Variants in MSS51 observed in about 807,000 individuals in gnomAD.
MSS51 encodes MSS51 mitochondrial translational activator, also known as putative protein MSS51 homolog, mitochondrial.
MSS51 carries 32 observed loss-of-function variants against 40.2 expected under a neutral mutation model. The observed-to-expected ratio is 0.80, with a 90% CI of 0.60 to 1.07. The LOEUF is 1.07. Ranked by LOEUF, MSS51 falls within the 50% of genes least tolerant of loss-of-function variation. The probability of loss-of-function intolerance (pLI) is 0.00; values close to 1 mark genes in which losing one functional copy is unlikely to be tolerated. For synonymous variants in MSS51, 178 were observed against 214.2 expected (o/e 0.83, Z 1.48); for missense variants, 518 against 568.9 (o/e 0.91, Z 0.91).
chr10:73,425,089 G>C lies in MSS51; in HGVS notation c.1163+9C>G. ...CAGGGAAGTATCACAAATAGGATGAGGTCAAAACCTGTAAACAGTAATCAA... is the reference window on the plus strand; with the variant it reads ...CAGGGAAGTATCACAAATAGGATGACGTCAAAACCTGTAAACAGTAATCAA... On this transcript the variant is annotated intron_variant, in intron 6 of 6. Coordinates refer to ENST00000299432, the MANE Select transcript of MSS51 (RefSeq NM_001024593.2). The C allele has an allele frequency of 1.2e-6, 2 of 1,603,490 alleles. No homozygotes were observed. Among genetic ancestry groups the C allele is most frequent in the South Asian group, 2.2e-5 (2 of 90,778 alleles).
intron 5 of MSS51, 148 bp downstream of exon 5, chr10:73,425,661 CAA>C (rs1045221109): frequency 3.1e-3 from 1,298 of 412,148 alleles, no homozygotes; most frequent in South Asian, 5.8e-3. Context: ...GACTCCGTCT[CAA>C]AAAAAAAAAA....
At chr10:73,432,633 T>G (rs575817313) in intron 1 of MSS51, among the ~76,000 whole-genome samples, 1 of 152,278 alleles carries the variant, frequency 6.6e-6, no homozygotes, top group Non-Finnish European at 1.5e-5. Flanking sequence ...TCACACAGTT[T>G]GAGGAAGAGG....
chr10:73,427,197 G>C (rs968868717), intron 3 of MSS51, among the ~76,000 whole-genome samples: 1 of 151,682 alleles, frequency 6.6e-6, no homozygotes, highest in African/African-American at 2.4e-5. Flanking sequence ...CAAAAAATGA[G>C]GACCTAAGTC....
At chr10:73,425,369 A>G (rs111302124) in intron 5 of MSS51, among the ~76,000 whole-genome samples, 178 bp from the exon 6 acceptor site, 6 of 152,106 alleles carry the variant, frequency 3.9e-5, no homozygotes, top group African/African-American at 9.7e-5. Context: ...ACATATGGCA[A>G]ATTATCAAGA....
At chr10:73,432,952 C>G (rs776814951) in intron 1 of MSS51, among the ~76,000 whole-genome samples, 1 of 152,114 alleles carries the variant, frequency 6.6e-6, no homozygotes, top group African/African-American at 2.4e-5. Context: ...TTGCAGTAAG[C>G]TCTTTGAACT....
rs1406225385 is a variant in MSS51 at position 73,429,447 on chromosome 10, TAG to T, written c.-17-1148_-17-1147del. Among the ~76,000 whole-genome samples, 17 of 152,324 alleles carry T rather than the reference TAG, an allele frequency of 1.1e-4. 1 individual carries two copies. In the South Asian group the frequency reaches 3.1e-3, roughly 28 times the overall value. On this transcript the variant is annotated intron_variant, in intron 1 of 6. Transcript: ENST00000299432. ...AATTGGAGAGTTAGACAGTTTAATA[TAG>T]AGAGATAAAACATTTATTTTGAAAG...
chr10:73,428,646 C>T (rs1447342484), intron 1 of MSS51, among the ~76,000 whole-genome samples: 6 of 151,618 alleles, frequency 4.0e-5, no homozygotes, highest in Non-Finnish European at 7.4e-5. Flanking sequence ...CCACCAGGCC[C>T]GGCTAATTTT....
chr10:73,428,327 T>C (rs756887341), intron 1 of MSS51, 26 bp from the exon 2 acceptor site: 2 of 1,512,814 alleles, frequency 1.3e-6, no homozygotes, highest in African/African-American at 1.4e-5. Flanking sequence ...AGAATAGACA[T>C]GGAATGGAAT....
chr10:73,432,886 T>C (rs1197288674), intron 1 of MSS51, among the ~76,000 whole-genome samples: 1 of 152,162 alleles, frequency 6.6e-6, no homozygotes, highest in Non-Finnish European at 1.5e-5. Context: ...TCACAGGTTA[T>C]AAACTGAGAG....
At chr10:73,430,865 C>A (rs1380083434) in intron 1 of MSS51, among the ~76,000 whole-genome samples, 1 of 152,058 alleles carries the variant, frequency 6.6e-6, no homozygotes, top group East Asian at 1.9e-4. Context: ...GTAGAAACAA[C>A]CCAAAGGTCC....
chr10:73,429,554 G>A, intron 1 of MSS51: 1 of 454,964 alleles, frequency 2.2e-6, no homozygotes. Flanking sequence ...GAGTTATGTA[G>A]TCAAGCAAGT....
At chr10:73,427,376 C>T (rs576488053) in intron 3 of MSS51, among the ~76,000 whole-genome samples, 1 of 145,486 alleles carries the variant, frequency 6.9e-6, no homozygotes, top group East Asian at 2.1e-4. Flanking sequence ...CTCCTGGGTT[C>T]AAGCAATTCT....
chr10:73,432,557 T>TCAG (rs1250246419), intron 1 of MSS51, among the ~76,000 whole-genome samples: 1 of 152,156 alleles, frequency 6.6e-6, no homozygotes, highest in African/African-American at 2.4e-5. Flanking sequence ...GGTGAGGTCT[T>TCAG]CCTCTAAAGG....
intron 3 of MSS51, 124 bp downstream of exon 3, chr10:73,427,489 G>A: frequency 1.0e-6 from 1 of 967,492 alleles, no homozygotes; most frequent in Non-Finnish European, 1.5e-6. Context: ...TGTTGGCCAG[G>A]TTGGCCTCAT....
At chr10:73,431,582 G>C (rs530240542) in intron 1 of MSS51, among the ~76,000 whole-genome samples, 25 of 152,286 alleles carry the variant, frequency 1.6e-4, no homozygotes, top group African/African-American at 4.8e-4. Flanking sequence ...GAATTATCCA[G>C]CTCATATCCA....
chr10:73,424,679 A>G lies in MSS51; in HGVS notation c.1257T>C (p.Pro419=). ...TGTTGGGACTGGAATAGACCTGTTC[A>G]GGTTTGAGGGACATGAAAGGATTAG... The part of the protein sequence containing the change: ...FGSNPFMSLK[P]EQVYSSPNKQ... The change falls in exon 7 of 7, where the codon CCT becomes CCC. Residue 419 remains proline (P), a synonymous_variant. Coordinates refer to ENST00000299432, the MANE Select transcript of MSS51 (RefSeq NM_001024593.2). 1 of 1,614,152 alleles carries G rather than the reference A, an allele frequency of 6.2e-7. No homozygotes were observed. The highest frequency in any genetic ancestry group is 8.5e-7 in the Non-Finnish European group (1 of 1,179,990).
chr10:73,426,003 G>A lies in MSS51; in HGVS notation c.877C>T (p.His293Tyr). 1 of 1,614,154 alleles carries A rather than the reference G, an allele frequency of 6.2e-7. No homozygotes were observed. Among genetic ancestry groups the A allele is most frequent in the Non-Finnish European group, 8.5e-7 (1 of 1,180,018 alleles). ...YDELGYMFPG[H>Y]LGLRVVMVGV... Reference sequence around the variant, plus strand: ...ACCATGACCACACGGAGTCCAAGGTGCCCAGGAAACATGTAACCAAGCTCA... The same window carrying A: ...ACCATGACCACACGGAGTCCAAGGTACCCAGGAAACATGTAACCAAGCTCA... The change falls in exon 5 of 7, where the codon CAC becomes TAC. Residue 293 changes from histidine to tyrosine, a missense_variant. By Grantham distance (83) the His-to-Tyr change is moderately conservative (BLOSUM62 2). Transcript: ENST00000299432.
chr10:73,428,556 A>C (rs887253695), intron 1 of MSS51, among the ~76,000 whole-genome samples: 5 of 152,040 alleles, frequency 3.3e-5, no homozygotes, highest in Non-Finnish European at 4.4e-5. Flanking sequence ...ACAGCAGCAT[A>C]ATCTCAGCTC....
At position 73,424,062 on chromosome 10, in the gene MSS51, C is replaced by G. The variant is rs1817155262; in HGVS notation, c.*491G>C. On this transcript the variant is annotated 3_prime_UTR_variant, in exon 7 of 7. Transcript: ENST00000299432. ...AAATCTAATTTCCTATCTCTAGAAG[C>G]TACTGTGGCTAAACTCTTAGAAACC... 6.2e-6 allele frequency: 1 copy of G among 160,896 alleles called. No homozygotes were observed. Among genetic ancestry groups the G allele is most frequent in the Admixed American group, 5.9e-5 (1 of 17,082 alleles). 10.0% of individuals were successfully genotyped at this position (160,896 alleles called of 1,614,324 possible).
Sources: allele counts gnomAD v4.1 joint callset (sites outside exome capture counted in the v4.1 genomes callset), GRCh38; gene constraint gnomAD v4.1.1; transcripts MANE v1.5; gene names NCBI Gene and HGNC (gene_info 2026-07-23, HGNC 2026-07-21).